Variants in ETV6 observed in about 807,000 individuals in gnomAD.
ETV6 encodes ETS variant transcription factor 6, also known as transcription factor ETV6.
ETV6 carries 16 observed loss-of-function variants against 51.1 expected under a neutral mutation model. The ratio of observed to expected loss-of-function variants is 0.31; its 90% CI spans 0.21 to 0.48. ETV6 has a LOEUF of 0.48. ETV6 is among the 20% of genes least tolerant of loss of function. ETV6 has a pLI of 0.99. For missense variants in ETV6, 458 were observed against 594.8 expected (o/e 0.77, Z 2.39); for synonymous variants, 240 against 224.1 (o/e 1.07, Z -0.64).
At chr12:11,733,606 G>A (rs1375417881) in intron 1 of ETV6, among the ~76,000 whole-genome samples, 31 of 152,020 alleles carry the variant, frequency 2.0e-4, no homozygotes, top group Admixed American at 2.0e-3. Flanking sequence ...TATCACAACA[G>A]GTTCTCATTC....
rs537140329 is a variant in ETV6 at position 11,755,122 on chromosome 12, C to T, written c.163+2543C>T. Among the ~76,000 whole-genome samples the T allele has an allele frequency of 4.6e-5, 7 of 152,308 alleles. No homozygotes were observed. In the South Asian group the frequency reaches 1.4e-3, roughly 32 times the overall value. ...TGGATGGATGAATTCAGGGTTGACA[C>T]TTAGCCAGTGTTCACTGGTGTGGCC... is the stretch of plus-strand genomic sequence containing the variant. On this transcript the variant is annotated intron_variant, in intron 2 of 7. Coordinates refer to ENST00000396373, the MANE Select transcript of ETV6 (RefSeq NM_001987.5).
chr12:11,725,081 C>T (rs1591633361), intron 1 of ETV6, among the ~76,000 whole-genome samples: 1 of 152,094 alleles, frequency 6.6e-6, no homozygotes, highest in South Asian at 2.1e-4. Context: ...CACCTTGGGT[C>T]GCGGCACATC....
At chr12:11,780,234 A>G (rs1283156954) in intron 2 of ETV6, among the ~76,000 whole-genome samples, 3 of 152,160 alleles carry the variant, frequency 2.0e-5, no homozygotes, top group African/African-American at 4.8e-5. Context: ...TGTTTTTTTA[A>G]GTTGAGATTA....
chr12:11,805,848 G>A (rs1271861874), intron 2 of ETV6, among the ~76,000 whole-genome samples: 1 of 152,180 alleles, frequency 6.6e-6, no homozygotes, highest in Non-Finnish European at 1.5e-5. Context: ...AGTAACCTTG[G>A]ACCTCGTAAA....
chr12:11,838,629 C>T (rs532609769), intron 2 of ETV6, among the ~76,000 whole-genome samples: 2 of 152,218 alleles, frequency 1.3e-5, no homozygotes, highest in Non-Finnish European at 2.9e-5. Context: ...TATTTGGCAG[C>T]TCTGGAAGGT....
In ETV6 at chr12:11,675,770, T is replaced by C. The variant is rs567284291; in HGVS notation, c.33+25610T>C. Among the ~76,000 whole-genome samples, 7 of 151,966 alleles carry C rather than the reference T, an allele frequency of 4.6e-5. 1 individual carries two copies. In the South Asian group the frequency reaches 1.5e-3, roughly 32 times the overall value. ...TTGAGGCTGCAGTGAGCTATGATCA[T>C]GCCACTGTACTTCACGCTGGGCAAC... On this transcript the variant is annotated intron_variant, in intron 1 of 7. Coordinates refer to ENST00000396373, the MANE Select transcript of ETV6 (RefSeq NM_001987.5).
At chr12:11,723,949 C>T (rs898505081) in intron 1 of ETV6, among the ~76,000 whole-genome samples, 17 of 151,992 alleles carry the variant, frequency 1.1e-4, no homozygotes, top group African/African-American at 4.1e-4. Context: ...CCTACACTCT[C>T]GGGGGTGCCC....
At chr12:11,845,124 C>T (rs905000716) in intron 3 of ETV6, among the ~76,000 whole-genome samples, 7 of 152,214 alleles carry the variant, frequency 4.6e-5, no homozygotes, top group African/African-American at 1.4e-4. Context: ...CTACTGCACC[C>T]GGCCATCATT....
chr12:11,824,867 G>C (rs1414139336), intron 2 of ETV6, among the ~76,000 whole-genome samples: 1 of 152,226 alleles, frequency 6.6e-6, no homozygotes, highest in African/African-American at 2.4e-5. Context: ...AAAGCCAGCT[G>C]CCATTTATTT....
intron 2 of ETV6, among the ~76,000 whole-genome samples, chr12:11,835,618 T>G (rs1035718438): frequency 6.6e-6 from 1 of 152,186 alleles, no homozygotes. Flanking sequence ...CACCTACACC[T>G]CCCTCCTCTT....
chr12:11,709,048 G>A lies in ETV6; in HGVS notation c.34-43402G>A, dbSNP rs914588091. 3.9e-5 allele frequency among the ~76,000 whole-genome samples: 6 copies of A among 152,132 alleles called. No individual in the cohort carries two copies. The East Asian group carries it at 7.7e-4, about 20-fold the overall frequency. On this transcript the variant is annotated intron_variant, in intron 1 of 7. Transcript: ENST00000396373. ...GAGGCTGCATTGAGGTGATGCACAC[G>A]TGTGGCCTGAAAGCTTGATTCGTTC...
At chr12:11,853,386 A>C (rs550946555) in intron 3 of ETV6, 41 bp from the exon 4 acceptor site, 1 of 1,612,496 alleles carries the variant, frequency 6.2e-7, no homozygotes, top group Admixed American at 1.7e-5. Flanking sequence ...TTGGAAAAAC[A>C]TCTTTCCATT....
At chr12:11,876,975 A>G (rs2136564665) in intron 5 of ETV6, among the ~76,000 whole-genome samples, 1 of 152,344 alleles carries the variant, frequency 6.6e-6, no homozygotes, top group African/African-American at 2.4e-5. Flanking sequence ...TCTCAAGGTT[A>G]CATCCTTAAC....
Position 11,886,032 on chromosome 12 carries a change from ACTTC to A in ETV6, c.1253+10_1253+13del. 1 of 1,597,222 alleles carries A rather than the reference ACTTC, an allele frequency of 6.3e-7. No homozygotes were observed. The highest frequency in any genetic ancestry group is 1.1e-5 in the South Asian group (1 of 90,474). ...GGACAAAGGCTTTTGTTCAGGTAGC[ACTTC>A]CTTTTTCTCCTTTCCTTCTTTTGGG... On this transcript the variant is annotated splice_region_variant and intron_variant, in intron 7 of 7. Coordinates refer to ENST00000396373, the MANE Select transcript of ETV6 (RefSeq NM_001987.5).
At chr12:11,812,588 G>A (rs1395723557) in intron 2 of ETV6, among the ~76,000 whole-genome samples, 1 of 152,146 alleles carries the variant, frequency 6.6e-6, no homozygotes, top group East Asian at 1.9e-4. Context: ...GAGACTGGCT[G>A]CCATCAGACT....
intron 2 of ETV6, among the ~76,000 whole-genome samples, chr12:11,824,108 A>T (rs748940755): frequency 1.3e-5 from 2 of 152,228 alleles, no homozygotes; most frequent in Non-Finnish European, 2.9e-5. Context: ...TCCCAGCATG[A>T]AGTCTTCAGT....
At chr12:11,756,810 G>T (rs1370645429) in intron 2 of ETV6, among the ~76,000 whole-genome samples, 1 of 152,190 alleles carries the variant, frequency 6.6e-6, no homozygotes, top group Admixed American at 6.5e-5. Context: ...GAAACACTGG[G>T]CCTCAGACAG....
intron 4 of ETV6, among the ~76,000 whole-genome samples, chr12:11,857,414 T>C (rs984705840): frequency 6.6e-6 from 1 of 152,248 alleles, no homozygotes; most frequent in Admixed American, 6.5e-5. Context: ...ACCTCTATAA[T>C]GTACTCCATT....
chr12:11,879,639 A>G (rs1947056302), intron 5 of ETV6, among the ~76,000 whole-genome samples: 2 of 152,260 alleles, frequency 1.3e-5, no homozygotes, highest in African/African-American at 4.8e-5. Context: ...ACTACTTCTC[A>G]TGGAAAAGAA....
Sources: allele counts gnomAD v4.1 joint callset (sites outside exome capture counted in the v4.1 genomes callset), GRCh38; gene constraint gnomAD v4.1.1; transcripts MANE v1.5; gene names NCBI Gene and HGNC (gene_info 2026-07-23, HGNC 2026-07-21).